The following GAB2 variants were observed in gnomAD, a reference collection of about 807,000 sequenced individuals.
The protein encoded by GAB2 is GRB2 associated binding protein 2.
In GAB2, 26 loss-of-function variants were observed where a neutral mutation model predicts 65.5. That is an observed-to-expected ratio of 0.40 (90% CI 0.29 to 0.55). The LOEUF is 0.55. GAB2 is among the 20% of genes least tolerant of loss of function. The pLI is 0.53. For synonymous variants in GAB2, 321 were observed against 329.6 expected, an observed-to-expected ratio of 0.97 and a Z score of 0.28; for missense variants, 884 against 875.8, an observed-to-expected ratio of 1.01 and a Z score of -0.12.
intron 2 of GAB2, among the ~76,000 whole-genome samples, chr11:78,261,732 G>A (rs929814933): frequency 6.6e-6 from 1 of 152,180 alleles, no homozygotes; most frequent in Non-Finnish European, 1.5e-5. Context: ...CTGCAGGCCA[G>A]CCCCAAAGGG....
At chr11:78,221,540 T>C in intron 8 of GAB2, 137 bp downstream of exon 8, 1 of 492,222 alleles carries the variant, frequency 2.0e-6, no homozygotes, top group Non-Finnish European at 3.8e-6. Context: ...GAAGGGTTTG[T>C]AGCAGGAGAC....
At chr11:78,384,314 A>G (rs565643028) in intron 1 of GAB2, among the ~76,000 whole-genome samples, 23 of 152,316 alleles carry the variant, frequency 1.5e-4, no homozygotes, top group African/African-American at 5.1e-4. Flanking sequence ...AGTAAGAAAT[A>G]CAGCACACAA....
chr11:78,223,017 TAAG>T (rs1283713782), intron 6 of GAB2, among the ~76,000 whole-genome samples: 1 of 152,212 alleles, frequency 6.6e-6, no homozygotes, highest in African/African-American at 2.4e-5. Flanking sequence ...TTCCAAATGC[TAAG>T]ATTTGAATTC....
At position 78,219,085 on chromosome 11, in the gene GAB2, G is replaced by A. The variant is rs1315062169; in HGVS notation, c.*187C>T. The A allele has an allele frequency of 3.4e-6, 2 of 585,410 alleles. No homozygotes were observed. Among genetic ancestry groups the A allele is most frequent in the Admixed American group, 3.1e-5 (1 of 32,774 alleles). 36.3% of individuals were successfully genotyped at this position (585,410 alleles called of 1,614,324 possible). ...AGCTGGGCCCCGAGTGGGCAGAGGA[G>A]GTGCCTTGATCAGGCCCTCACCTCC... On this transcript the variant is annotated 3_prime_UTR_variant, in exon 10 of 10. Coordinates refer to ENST00000361507, the MANE Select transcript of GAB2 (RefSeq NM_080491.3).
At chr11:78,408,742 TAGTG>T (rs1165344246) in intron 1 of GAB2, among the ~76,000 whole-genome samples, 2 of 152,128 alleles carry the variant, frequency 1.3e-5, no homozygotes, top group African/African-American at 4.8e-5. Flanking sequence ...GTTCTCATGA[TAGTG>T]AGTGAGTTAT....
chr11:78,325,566 CAG>C (rs1244674467), intron 1 of GAB2, among the ~76,000 whole-genome samples: 1 of 152,116 alleles, frequency 6.6e-6, no homozygotes, highest in Non-Finnish European at 1.5e-5. Flanking sequence ...TACGAACATA[CAG>C]AGAGGTGGAC....
At position 78,220,302 on chromosome 11, in the gene GAB2, A is replaced by C. The variant is rs1864356039; in HGVS notation, c.1887+17T>G. 5 of 1,611,508 alleles carry C rather than the reference A, an allele frequency of 3.1e-6. No individual in the cohort carries two copies. The highest frequency in any genetic ancestry group is 4.2e-6 in the Non-Finnish European group (5 of 1,179,634). On this transcript the variant is annotated intron_variant, in intron 9 of 9. Transcript: ENST00000361507. ...CCCTGAGAGCTCTTACTGCCCCCCC[A>C]ACTCTACTCCAGGCACCTTGCGGTG...
intron 1 of GAB2, among the ~76,000 whole-genome samples, chr11:78,392,699 T>C (rs1214896712): frequency 6.6e-6 from 1 of 152,162 alleles, no homozygotes; most frequent in Non-Finnish European, 1.5e-5. Flanking sequence ...ACCTTGTTCT[T>C]CATCCCTCTC....
chr11:78,394,558 A>G (rs1359075165), intron 1 of GAB2, among the ~76,000 whole-genome samples: 3 of 152,248 alleles, frequency 2.0e-5, no homozygotes, highest in Admixed American at 1.3e-4. Context: ...ATAACTTTTA[A>G]AAAGTGTAAT....
intron 2 of GAB2, among the ~76,000 whole-genome samples, chr11:78,252,202 T>C (rs372252605): frequency 1.6e-4 from 24 of 152,310 alleles, no homozygotes; most frequent in African/African-American, 5.3e-4. Context: ...TTAATTACTC[T>C]CCAGGCATTT....
chr11:78,295,266 C>T (rs184001115), intron 1 of GAB2, among the ~76,000 whole-genome samples: 1 of 152,258 alleles, frequency 6.6e-6, no homozygotes, highest in East Asian at 1.9e-4. Flanking sequence ...TCCCCTTAGA[C>T]TTTCCGGGTC....
chr11:78,321,130 A>C (rs1737075751), intron 1 of GAB2, among the ~76,000 whole-genome samples: 1 of 152,154 alleles, frequency 6.6e-6, no homozygotes, highest in Non-Finnish European at 1.5e-5. Flanking sequence ...TTGGAGATGT[A>C]CATTTGGATG....
intron 1 of GAB2, among the ~76,000 whole-genome samples, chr11:78,348,078 G>C (rs181780190): frequency 1.3e-5 from 2 of 152,222 alleles, no homozygotes; most frequent in African/African-American, 4.8e-5. Flanking sequence ...TCATCATAAA[G>C]GTCTTTATCT....
At chr11:78,334,374 C>T (rs1855964387) in intron 1 of GAB2, among the ~76,000 whole-genome samples, 1 of 152,042 alleles carries the variant, frequency 6.6e-6, no homozygotes. Context: ...TTTTGGTGCC[C>T]ATTAATCATC....
intron 1 of GAB2, among the ~76,000 whole-genome samples, chr11:78,313,933 A>G (rs1855550035): frequency 6.6e-6 from 1 of 152,232 alleles, no homozygotes; most frequent in African/African-American, 2.4e-5. Context: ...TGAAGAGAGC[A>G]CATGAAAGAC....
chr11:78,395,917 T>C (rs1418114747), intron 1 of GAB2, among the ~76,000 whole-genome samples: 2 of 152,206 alleles, frequency 1.3e-5, no homozygotes, highest in Non-Finnish European at 2.9e-5. Context: ...GCATCCAACA[T>C]ATCCTTAGGG....
chr11:78,324,642 C>CT (rs1449508837), intron 1 of GAB2: 2 of 152,144 alleles, frequency 1.3e-5, no homozygotes, highest in Admixed American at 6.5e-5. Flanking sequence ...ATGCTAAGTG[C>CT]TTTATACATA....
At position 78,217,951 on chromosome 11, in the gene GAB2, C is replaced by G. The variant is rs916055372; in HGVS notation, c.*1321G>C. On this transcript the variant is annotated 3_prime_UTR_variant, in exon 10 of 10. Coordinates refer to ENST00000361507, the MANE Select transcript of GAB2 (RefSeq NM_080491.3). Reference sequence around the variant, plus strand: ...CTTTCTCCTTGTCCTGCCTGACCCACTGTCCCATCCTAGGAACGGTCCTCA... The same window carrying G: ...CTTTCTCCTTGTCCTGCCTGACCCAGTGTCCCATCCTAGGAACGGTCCTCA... The G allele has an allele frequency of 2.0e-5, 3 of 152,876 alleles. No homozygotes were observed. The highest frequency in any genetic ancestry group is 7.2e-5 in the African/African-American group (3 of 41,430). 9.5% of individuals were successfully genotyped at this position (152,876 alleles called of 1,614,324 possible). A position where few individuals can be genotyped will look rare whatever the true frequency, so the allele number is the denominator to read the frequency against.
chr11:78,313,851 G>C (rs1422274296), intron 1 of GAB2, among the ~76,000 whole-genome samples: 1 of 152,168 alleles, frequency 6.6e-6, no homozygotes. Context: ...TTGAAAATAA[G>C]GTATCAGTAC....
Sources: gnomAD v4.1 joint callset for allele counts (sites outside exome capture counted in the v4.1 genomes callset) on GRCh38, gnomAD v4.1.1 for gene constraint, MANE v1.5 for transcripts, NCBI Gene and HGNC (gene_info 2026-07-23, HGNC 2026-07-21) for gene names.